MAPK10: variants seen among roughly 807,000 people sequenced by gnomAD.
The protein encoded by MAPK10 is JNK3 alpha protein kinase.
MAPK10 carries 25 observed loss-of-function variants against 59.3 expected under a neutral mutation model. That is an observed-to-expected ratio of 0.42 (90% CI 0.31 to 0.59). The LOEUF (loss-of-function observed/expected upper bound fraction) is 0.59, where lower values mean the gene tolerates loss of function less well. Among genes scored for constraint, MAPK10 ranks in the 20% least tolerant of loss-of-function variants. MAPK10 has a pLI of 0.15. For missense variants in MAPK10, 351 were observed against 568.9 expected, an observed-to-expected ratio of 0.62 and a Z score of 3.90; for synonymous variants, 190 against 200.5, an observed-to-expected ratio of 0.95 and a Z score of 0.44.
intron 9 of MAPK10, chr4:86,091,331 C>G (rs542414374): frequency 1.3e-5 from 2 of 151,674 alleles, no homozygotes; most frequent in South Asian, 2.1e-4. Context: ...ACTAGGCAAT[C>G]TATTTTATTG....
At chr4:86,449,375 G>T (rs758221349) in intron 1 of MAPK10, among the ~76,000 whole-genome samples, 15 of 152,166 alleles carry the variant, frequency 9.9e-5, no homozygotes, top group Non-Finnish European at 1.9e-4. Context: ...ATTTATTTTA[G>T]AGACTTAGAA....
chr4:86,244,181 C>T (rs1486173738), intron 2 of MAPK10, among the ~76,000 whole-genome samples: 1 of 151,984 alleles, frequency 6.6e-6, no homozygotes, highest in Non-Finnish European at 1.5e-5. Flanking sequence ...TAGATTACAA[C>T]TGAAAAAGCA....
chr4:86,524,136 A>G lies in MAPK10; in HGVS notation c.-263+69774T>C, dbSNP rs539901932. Among the ~76,000 whole-genome samples, 3 of 152,286 alleles carry G rather than the reference A, an allele frequency of 2.0e-5. No individual in the cohort carries two copies. The East Asian group carries it at 5.8e-4, about 29-fold the overall frequency. ...TACAAGCTCCCCTTCACCTTCCACC[A>G]TGAAGTAGAAGGAGACTGAGGCTCT... On this transcript the variant is annotated intron_variant, in intron 1 of 4. Transcript: ENST00000502302.
chr4:86,147,041 AATT>A (rs2065175991), intron 4 of MAPK10, among the ~76,000 whole-genome samples: 1 of 151,916 alleles, frequency 6.6e-6, no homozygotes, highest in African/African-American at 2.4e-5. Flanking sequence ...TATGGGATTA[AATT>A]TTTTATTTTG....
intron 2 of MAPK10, among the ~76,000 whole-genome samples, chr4:86,303,888 C>T (rs1369117504): frequency 6.6e-6 from 1 of 152,186 alleles, no homozygotes; most frequent in Non-Finnish European, 1.5e-5. Flanking sequence ...TACAACTTAA[C>T]TTCTACCACT....
chr4:86,451,754 A>C (rs760618202), intron 1 of MAPK10, among the ~76,000 whole-genome samples: 2 of 152,156 alleles, frequency 1.3e-5, no homozygotes, highest in Non-Finnish European at 2.9e-5. Context: ...TTACATTCCT[A>C]AAGTGGCAGT....
chr4:86,466,265 T>C (rs1200142111), intron 1 of MAPK10, among the ~76,000 whole-genome samples: 2 of 152,230 alleles, frequency 1.3e-5, no homozygotes, highest in African/African-American at 2.4e-5. Context: ...ACGATTCCTA[T>C]GGAATCATTA....
At chr4:86,064,780 AGTTAATCAACAC>A (rs1401656473) in intron 10 of MAPK10, 1 of 165,702 alleles carries the variant, frequency 6.0e-6, no homozygotes, top group African/African-American at 2.4e-5. Flanking sequence ...GGCTGTTTGA[AGTTAATCAACAC>A]GTGTGTCTCT....
At chr4:86,426,202 A>C (rs1307587393) in intron 1 of MAPK10, among the ~76,000 whole-genome samples, 2 of 152,196 alleles carry the variant, frequency 1.3e-5, no homozygotes, top group African/African-American at 4.8e-5. Flanking sequence ...TGTTTACTGA[A>C]TACAACGCTA....
At chr4:86,511,769 A>G (rs1238235590) in intron 1 of MAPK10, among the ~76,000 whole-genome samples, 2 of 149,244 alleles carry the variant, frequency 1.3e-5, no homozygotes, top group African/African-American at 4.9e-5. Flanking sequence ...AGAGAGGAAG[A>G]GAAAGAAGGA....
At chr4:86,151,872 G>A (rs1312535933) in intron 4 of MAPK10, 3 of 152,210 alleles carry the variant, frequency 2.0e-5, no homozygotes, top group Admixed American at 1.3e-4. Flanking sequence ...TAACATCCCA[G>A]ATGTATTAGA....
chr4:86,513,160 A>G (rs1463538822), intron 1 of MAPK10, among the ~76,000 whole-genome samples: 1 of 151,816 alleles, frequency 6.6e-6, no homozygotes, highest in Admixed American at 6.6e-5. Flanking sequence ...CAGTCCTCCC[A>G]TCTCAGCCTC....
At chr4:86,557,421 C>T (rs1042958379) in intron 1 of MAPK10, among the ~76,000 whole-genome samples, 3 of 152,032 alleles carry the variant, frequency 2.0e-5, no homozygotes, top group Non-Finnish European at 4.4e-5. Context: ...TCACTAAAAA[C>T]TAGTGTATTT....
At chr4:86,523,063 G>A (rs2149088328) in intron 1 of MAPK10, among the ~76,000 whole-genome samples, 1 of 152,186 alleles carries the variant, frequency 6.6e-6, no homozygotes, top group South Asian at 2.1e-4. Flanking sequence ...AAAGACTCAT[G>A]GGAAATAATT....
chr4:86,547,098 G>A (rs1759255941), intron 1 of MAPK10, among the ~76,000 whole-genome samples: 1 of 152,210 alleles, frequency 6.6e-6, no homozygotes, highest in Admixed American at 6.5e-5. Flanking sequence ...GATTATTGGA[G>A]TCAGAAGACT....
intron 1 of MAPK10, among the ~76,000 whole-genome samples, chr4:86,583,637 G>T (rs2149113721): frequency 6.6e-6 from 1 of 152,262 alleles, no homozygotes; most frequent in East Asian, 1.9e-4. Flanking sequence ...GGATATTGTT[G>T]AGCTACTGCA....
chr4:86,328,868 G>A lies in MAPK10; in HGVS notation c.-7+25662C>T, dbSNP rs576296284. Among the ~76,000 whole-genome samples, 23 of 152,236 alleles carry A rather than the reference G, an allele frequency of 1.5e-4. No homozygotes were observed. The South Asian group carries it at 2.5e-3, about 16-fold the overall frequency. The stretch of plus-strand genomic sequence containing the variant: ...GCCTGTCAGGGGAGGGGAGCAAAGG[G>A]AGGGAGAGCATCAGGACAAATACTT... On this transcript the variant is annotated intron_variant, in intron 2 of 13. Coordinates refer to ENST00000641462, the MANE Select transcript of MAPK10 (RefSeq NM_138982.4).
rs147646585 is a variant in MAPK10 at position 86,479,686 on chromosome 4, G to A, written c.-263+114224C>T. On this transcript the variant is annotated intron_variant, in intron 1 of 4. Transcript: ENST00000502302. ...TAAATAAATCATCTTTGCCGGCAGGGCTATGCTGAACTTCCTTAGGCACTC... is the reference window on the plus strand; with the variant it reads ...TAAATAAATCATCTTTGCCGGCAGGACTATGCTGAACTTCCTTAGGCACTC... Among the ~76,000 whole-genome samples, 13 of 152,188 alleles carry A rather than the reference G, an allele frequency of 8.5e-5. No homozygotes were observed. In the South Asian group the frequency reaches 2.5e-3, roughly 29 times the overall value.
chr4:86,250,265 A>G (rs1246490543), intron 2 of MAPK10, among the ~76,000 whole-genome samples: 4 of 152,224 alleles, frequency 2.6e-5, no homozygotes, highest in South Asian at 4.1e-4. Context: ...TGAAATGAAC[A>G]TTTCTCTCCA....
Sources: gnomAD v4.1 joint callset for allele counts (sites outside exome capture counted in the v4.1 genomes callset) on GRCh38, gnomAD v4.1.1 for gene constraint, MANE v1.5 for transcripts, NCBI Gene and HGNC (gene_info 2026-07-23, HGNC 2026-07-21) for gene names.